Variants in SPTBN1 observed in about 807,000 individuals in gnomAD.
SPTBN1 encodes the protein spectrin beta chain, non-erythrocytic 1.
A neutral mutation model predicts 266.4 loss-of-function variants in SPTBN1; 32 were observed. The ratio of observed to expected loss-of-function variants is 0.12; its 90% CI spans 0.09 to 0.16. SPTBN1 has a LOEUF of 0.16. Among genes scored for constraint, SPTBN1 ranks in the 10% least tolerant of loss-of-function variants. The pLI is 1.00. For synonymous variants in SPTBN1, 1,336 were observed against 1,162.2 expected (o/e 1.15, Z -3.04); for missense variants, 2,296 against 3,067.1 (o/e 0.75, Z 5.94).
rs912423756 is a variant in SPTBN1, at chr2:54,536,875, T to TA, written c.148+10317dup. 2.6e-5 allele frequency among the ~76,000 whole-genome samples: 4 copies of TA among 151,546 alleles called. No homozygotes were observed. In the East Asian group the frequency reaches 5.8e-4, roughly 22 times the overall value. The stretch of plus-strand genomic sequence containing the variant: ...AGTGAGACCCTGTGTCTCTGAAAAG[T>TA]AAAAAAAATTAGCTGAACACAGTGG... On this transcript the variant is annotated intron_variant, in intron 2 of 35. Coordinates refer to ENST00000356805, the MANE Select transcript of SPTBN1 (RefSeq NM_003128.3).
At chr2:54,545,353 C>T (rs1380286677) in intron 2 of SPTBN1, 4 of 152,104 alleles carry the variant, frequency 2.6e-5, no homozygotes, top group African/African-American at 9.7e-5. Flanking sequence ...GTGGCAATTC[C>T]TCAAGGATCT....
At chr2:54,620,048 C>T (rs767473304) in intron 7 of SPTBN1, among the ~76,000 whole-genome samples, 20 of 152,208 alleles carry the variant, frequency 1.3e-4, no homozygotes, top group Non-Finnish European at 2.6e-4. Flanking sequence ...AGTGCTTACT[C>T]AATATTGCCG....
At chr2:54,536,205 C>T (rs1035960588) in intron 2 of SPTBN1, among the ~76,000 whole-genome samples, 6 of 152,188 alleles carry the variant, frequency 3.9e-5, no homozygotes, top group African/African-American at 1.4e-4. Context: ...TGAGAAAGTA[C>T]TATCATAGGA....
rs1393413817 is a variant in SPTBN1, at chr2:54,628,015, C to G, written c.1645-82C>G. On this transcript the variant is annotated intron_variant, in intron 12 of 35. Coordinates refer to ENST00000356805, the MANE Select transcript of SPTBN1 (RefSeq NM_003128.3). The surrounding 1 kb of genome is among the most constrained non-coding windows in gnomAD (Gnocchi z 4.3). ...AGGGAAGGCATAGCTTCATTGCTGGCTCTCTGCTTGTCGAAAGATGATGTG... is the reference window on the plus strand; with the variant it reads ...AGGGAAGGCATAGCTTCATTGCTGGGTCTCTGCTTGTCGAAAGATGATGTG... The G allele has an allele frequency of 1.3e-6, 2 of 1,494,288 alleles. No individual in the cohort carries two copies. The highest frequency in any genetic ancestry group is 1.8e-6 in the Non-Finnish European group (2 of 1,109,890). 92.6% of individuals were successfully genotyped at this position (1,494,288 alleles called of 1,614,324 possible). A position where few individuals can be genotyped will look rare whatever the true frequency, so the allele number is the denominator to read the frequency against.
intron 2 of SPTBN1, among the ~76,000 whole-genome samples, chr2:54,589,587 A>G (rs1333103089): frequency 1.3e-5 from 2 of 152,254 alleles, no homozygotes; most frequent in Non-Finnish European, 2.9e-5. Flanking sequence ...TGTTTTGTCC[A>G]TGATGCAAGT....
At chr2:54,598,377 A>G (rs1676245334) in intron 2 of SPTBN1, among the ~76,000 whole-genome samples, 1 of 152,052 alleles carries the variant, frequency 6.6e-6, no homozygotes. Flanking sequence ...TTTTGTTGAA[A>G]CCTTGGGCCC....
intron 17 of SPTBN1, among the ~76,000 whole-genome samples, chr2:54,634,331 C>T (rs900868248): frequency 2.6e-5 from 4 of 152,222 alleles, no homozygotes; most frequent in South Asian, 4.1e-4. Context: ...CAGCAGCCCT[C>T]AGTTGTGGCT....
chr2:54,591,972 A>T (rs1046046323), intron 2 of SPTBN1, among the ~76,000 whole-genome samples: 2 of 152,136 alleles, frequency 1.3e-5, no homozygotes, highest in Admixed American at 6.5e-5. Flanking sequence ...GTTTGAGGTC[A>T]GCCTGGGCAA....
At chr2:54,668,209 C>T in intron 35 of SPTBN1, 142 bp from the exon 36 acceptor site, 2 of 712,970 alleles carry the variant, frequency 2.8e-6, no homozygotes, top group African/African-American at 1.8e-5. Context: ...ACTGATAAGG[C>T]AGAGGTGCAT....
chr2:54,551,357 G>A (rs1355521604), intron 2 of SPTBN1, among the ~76,000 whole-genome samples: 4 of 152,222 alleles, frequency 2.6e-5, no homozygotes, highest in Admixed American at 2.6e-4. Context: ...CCCAGCCCTG[G>A]CTCTGGCTGC....
At chr2:54,578,461 T>C (rs900172477) in intron 2 of SPTBN1, among the ~76,000 whole-genome samples, 4 of 152,156 alleles carry the variant, frequency 2.6e-5, no homozygotes, top group Non-Finnish European at 5.9e-5. Flanking sequence ...GGTTAGCTGC[T>C]GCTGCTGCTG....
At chr2:54,493,248 C>T (rs1413876431) in intron 1 of SPTBN1, among the ~76,000 whole-genome samples, 2 of 152,018 alleles carry the variant, frequency 1.3e-5, no homozygotes, top group Non-Finnish European at 2.9e-5. Context: ...TTCAGTAATC[C>T]TCCCACCTCA....
intron 1 of SPTBN1, among the ~76,000 whole-genome samples, chr2:54,480,792 G>T (rs1668054355): frequency 6.6e-6 from 1 of 152,180 alleles, no homozygotes; most frequent in Non-Finnish European, 1.5e-5. Flanking sequence ...TGCTCTTTGA[G>T]AACTTATTGG....
chr2:54,508,506 G>C (rs1008525515), intron 1 of SPTBN1, among the ~76,000 whole-genome samples: 2 of 152,052 alleles, frequency 1.3e-5, no homozygotes, highest in Admixed American at 1.3e-4. Context: ...GGAAATGAGA[G>C]GTTCTAAGAG....
intron 2 of SPTBN1, among the ~76,000 whole-genome samples, chr2:54,592,534 G>A (rs112966460): frequency 6.6e-6 from 1 of 152,104 alleles, no homozygotes; most frequent in Non-Finnish European, 1.5e-5. Context: ...ACAGACATGC[G>A]CCACCACGCC....
intron 1 of SPTBN1, among the ~76,000 whole-genome samples, chr2:54,469,851 G>T (rs1270388256): frequency 6.6e-6 from 1 of 152,222 alleles, no homozygotes; most frequent in Non-Finnish European, 1.5e-5. Context: ...TGTGCTGCCA[G>T]TTGTCCCTAA....
Position 54,649,257 on chromosome 2 carries a change from T to G in SPTBN1, c.5202+67T>G. On this transcript the variant is annotated intron_variant, in intron 25 of 35. Transcript: ENST00000356805. The surrounding 1 kb of genome is among the most constrained non-coding windows in gnomAD (Gnocchi z 6.7). The stretch of plus-strand genomic sequence containing the variant: ...CGATGGTGTGGAAGGCCATTTGCAT[T>G]CCTTGTCTGTGAGCAGATAAAATGC... The G allele has an allele frequency of 4.7e-6, 7 of 1,492,840 alleles. No homozygotes were observed. Among genetic ancestry groups the G allele is most frequent in the Non-Finnish European group, 6.4e-6 (7 of 1,101,210 alleles). The allele number at this position is 1,492,840 out of a possible 1,614,324, so 92.5% of individuals were successfully genotyped here.
At chr2:54,459,371 T>A (rs1693238872) in intron 1 of SPTBN1, among the ~76,000 whole-genome samples, 1 of 152,234 alleles carries the variant, frequency 6.6e-6, no homozygotes, top group African/African-American at 2.4e-5. Flanking sequence ...TGACACATCC[T>A]GAGCAGAGGC....
At chr2:54,580,814 T>C (rs1489746459) in intron 2 of SPTBN1, among the ~76,000 whole-genome samples, 2 of 152,044 alleles carry the variant, frequency 1.3e-5, no homozygotes, top group African/African-American at 2.4e-5. Flanking sequence ...ATAAAAATTA[T>C]AGGCCGGGTG....
Sources: gnomAD v4.1 joint callset for allele counts (sites outside exome capture counted in the v4.1 genomes callset) on GRCh38, gnomAD v4.1.1 for gene constraint, Gnocchi (gnomAD v3.1) non-coding constraint, MANE v1.5 for transcripts, NCBI Gene and HGNC (gene_info 2026-07-23, HGNC 2026-07-21) for gene names.